Variants in BANK1 observed in about 807,000 individuals in gnomAD.
BANK1 encodes B-cell scaffold protein with ankyrin repeats.
In BANK1, 95 loss-of-function variants were observed where a neutral mutation model predicts 94.5. The ratio of observed to expected loss-of-function variants is 1.00; its 90% CI spans 0.85 to 1.19. The LOEUF is 1.19. Ranked by LOEUF, BANK1 falls within the 50% of genes most tolerant of loss-of-function variation. The pLI is 0.00. For synonymous variants in BANK1, 334 were observed against 308.4 expected (o/e 1.08, Z -0.87); for missense variants, 987 against 932.2 (o/e 1.06, Z -0.77).
intron 7 of BANK1, among the ~76,000 whole-genome samples, chr4:102,006,190 A>C (rs1159262864): frequency 6.6e-6 from 1 of 152,066 alleles, no homozygotes; most frequent in Non-Finnish European, 1.5e-5. Flanking sequence ...GTTCTGAGAA[A>C]GATTAAATAA....
intron 7 of BANK1, among the ~76,000 whole-genome samples, chr4:101,979,584 A>G (rs2148926786): frequency 6.6e-6 from 1 of 152,034 alleles, no homozygotes; most frequent in Non-Finnish European, 1.5e-5. Flanking sequence ...TTGCTATTTC[A>G]GTTAGATCAC....
intron 7 of BANK1, 102 bp downstream of exon 7, chr4:101,918,291 C>T (rs965594806): frequency 9.4e-6 from 7 of 747,606 alleles, no homozygotes; most frequent in African/African-American, 1.8e-5. Flanking sequence ...TTCTTTAAGA[C>T]TCTAGTTAAG....
intron 7 of BANK1, among the ~76,000 whole-genome samples, chr4:101,921,877 T>C (rs961335716): frequency 6.6e-6 from 1 of 151,914 alleles, no homozygotes; most frequent in African/African-American, 2.4e-5. Context: ...ATGCACATTC[T>C]CTAACTGGCT....
chr4:101,863,984 G>T (rs1391637657), intron 4 of BANK1, among the ~76,000 whole-genome samples: 1 of 152,096 alleles, frequency 6.6e-6, no homozygotes, highest in South Asian at 2.1e-4. Flanking sequence ...CCTACTGGGT[G>T]AGAGCAGTAT....
At chr4:101,977,975 GTTTT>G (rs869164365) in intron 7 of BANK1, among the ~76,000 whole-genome samples, 5 of 95,820 alleles carry the variant, frequency 5.2e-5, no homozygotes, top group African/African-American at 2.0e-4. Flanking sequence ...TTGTTTGTTT[GTTTT>G]TTGAGACGGA....
intron 7 of BANK1, among the ~76,000 whole-genome samples, chr4:101,925,017 T>C (rs375725992): frequency 6.6e-6 from 1 of 151,708 alleles, no homozygotes; most frequent in Middle Eastern, 3.2e-3. Flanking sequence ...ATAATGACCC[T>C]TTTGATAAAC....
intron 7 of BANK1, among the ~76,000 whole-genome samples, chr4:101,959,413 C>T (rs1342285012): frequency 6.6e-6 from 1 of 152,184 alleles, no homozygotes; most frequent in African/African-American, 2.4e-5. Flanking sequence ...GCTGGGATTA[C>T]AGGCGTGAGC....
intron 7 of BANK1, among the ~76,000 whole-genome samples, chr4:101,971,291 A>C (rs775606964): frequency 1.3e-5 from 2 of 152,118 alleles, no homozygotes; most frequent in Non-Finnish European, 2.9e-5. Flanking sequence ...TCTATTAAGA[A>C]AATGTGTAAA....
intron 1 of BANK1, among the ~76,000 whole-genome samples, chr4:101,820,491 GT>G (rs1411610100): frequency 6.6e-6 from 1 of 151,986 alleles, no homozygotes; most frequent in African/African-American, 2.4e-5. Flanking sequence ...TTTTATTTTA[GT>G]TTAGGGCCTA....
chr4:102,042,712 C>T (rs1048181304), intron 10 of BANK1, among the ~76,000 whole-genome samples: 1 of 152,046 alleles, frequency 6.6e-6, no homozygotes, highest in Non-Finnish European at 1.5e-5. Flanking sequence ...AAAACACGTT[C>T]ACTCCCACAG....
chr4:101,803,794 G>A (rs958944753), intron 1 of BANK1, among the ~76,000 whole-genome samples: 2 of 151,072 alleles, frequency 1.3e-5, no homozygotes, highest in Non-Finnish European at 2.9e-5. Flanking sequence ...TCAGGAGATC[G>A]AGACCATCCC....
chr4:102,013,731 T>G (rs1390377860), intron 7 of BANK1, among the ~76,000 whole-genome samples: 1 of 152,038 alleles, frequency 6.6e-6, no homozygotes, highest in Non-Finnish European at 1.5e-5. Context: ...TGGAGGTCTT[T>G]ATTTTTAATC....
At chr4:101,886,771 G>C (rs1227064813) in intron 5 of BANK1, among the ~76,000 whole-genome samples, 1 of 140,044 alleles carries the variant, frequency 7.1e-6, no homozygotes, top group African/African-American at 2.6e-5. Flanking sequence ...TGGGGGGGGG[G>C]GCATGTTGAA....
chr4:101,948,610 C>T (rs139529294), intron 7 of BANK1, among the ~76,000 whole-genome samples: 161 of 152,204 alleles, frequency 1.1e-3, no homozygotes, highest in African/African-American at 3.7e-3. Flanking sequence ...TCTAAAATGG[C>T]ATTTCAAAAT....
chr4:101,968,421 T>G (rs1724836271), intron 7 of BANK1, among the ~76,000 whole-genome samples: 1 of 152,100 alleles, frequency 6.6e-6, no homozygotes, highest in South Asian at 2.1e-4. Flanking sequence ...TATTTCAGAC[T>G]GTCCAAAGGA....
intron 2 of BANK1, among the ~76,000 whole-genome samples, chr4:101,847,572 C>T (rs570754302): frequency 1.3e-5 from 2 of 152,112 alleles, no homozygotes; most frequent in African/African-American, 4.8e-5. Context: ...CATTCTTATG[C>T]CTTTGTCTCC....
chr4:101,867,634 G>T (rs1239977123), intron 4 of BANK1, among the ~76,000 whole-genome samples: 1 of 151,872 alleles, frequency 6.6e-6, no homozygotes, highest in Admixed American at 6.6e-5. Context: ...TATCATAAGG[G>T]ACAGGAGGGA....
At chr4:102,023,741 A>G (rs1726988963) in intron 8 of BANK1, among the ~76,000 whole-genome samples, 1 of 152,216 alleles carries the variant, frequency 6.6e-6, no homozygotes, top group Admixed American at 6.5e-5. Context: ...CAGTATTAAG[A>G]AACACTGAAT....
At chr4:101,999,301 C>T (rs1725983830) in intron 7 of BANK1, among the ~76,000 whole-genome samples, 2 of 152,212 alleles carry the variant, frequency 1.3e-5, no homozygotes, top group Non-Finnish European at 2.9e-5. Context: ...TGCCTCTACA[C>T]TTTGATTCTT....
Sources: allele counts gnomAD v4.1 joint callset (sites outside exome capture counted in the v4.1 genomes callset), GRCh38; gene constraint gnomAD v4.1.1; transcripts MANE v1.5; gene names NCBI Gene and HGNC (gene_info 2026-07-23, HGNC 2026-07-21).